TJP1: variants seen among roughly 807,000 people sequenced by gnomAD.
The protein encoded by TJP1 is tight junction protein 1, also known as tight junction protein ZO-1.
In TJP1, 43 loss-of-function variants were observed where a neutral mutation model predicts 194.2. That is an observed-to-expected ratio of 0.22 (90% CI 0.17 to 0.29). The LOEUF is 0.29. Among genes scored for constraint, TJP1 ranks in the 10% least tolerant of loss-of-function variants. The probability of loss-of-function intolerance (pLI) is 1.00; values close to 1 mark genes in which losing one functional copy is unlikely to be tolerated. For synonymous variants in TJP1, 801 were observed against 779.0 expected, an observed-to-expected ratio of 1.03 and a Z score of -0.47; for missense variants, 1,971 against 2,185.7, an observed-to-expected ratio of 0.90 and a Z score of 1.96.
intron 19 of TJP1, 149 bp downstream of exon 19, chr15:29,720,209 G>GA (rs2042844110): frequency 9.1e-7 from 1 of 1,103,258 alleles, no homozygotes. Flanking sequence ...ACAAAATTTA[G>GA]AATTAAGCCC....
intron 2 of TJP1, among the ~76,000 whole-genome samples, chr15:29,841,923 G>T (rs2152067845): frequency 6.6e-6 from 1 of 152,252 alleles, no homozygotes; most frequent in East Asian, 1.9e-4. Context: ...GCTTTTTAAA[G>T]CCAGAACCCC....
At chr15:29,713,493 GT>G (rs2042367230) in intron 23 of TJP1, among the ~76,000 whole-genome samples, 1 of 152,180 alleles carries the variant, frequency 6.6e-6, no homozygotes, top group Non-Finnish European at 1.5e-5. Context: ...TCTGAGGTGT[GT>G]TTTTAAGTGA....
At chr15:29,968,626 C>T in intron 1 of TJP1, 1 of 998,658 alleles carries the variant, frequency 1.0e-6, no homozygotes, top group Non-Finnish European at 1.2e-6. Flanking sequence ...CCGCTCCGCG[C>T]CTAGCCCGGC....
intron 4 of TJP1, among the ~76,000 whole-genome samples, chr15:29,767,439 T>A (rs1302939857): frequency 6.6e-6 from 1 of 152,190 alleles, no homozygotes; most frequent in African/African-American, 2.4e-5. Context: ...ATCAGTTCCA[T>A]CCTGGTTTCA....
rs748185504 is a variant in TJP1 at position 29,711,015 on chromosome 15, AGAAAATGCCAACACCT to A, written c.4203-31_4203-16del. On this transcript the variant is annotated splice_polypyrimidine_tract_variant and intron_variant, in intron 23 of 27. Transcript: ENST00000614355. ...GAGGCTTTCCCCTGTTAACAAATGA[AGAAAATGCCAACACCT>A]GAAAATGGACTCACATTTACAAAAC... The A allele has an allele frequency of 3.1e-5, 49 of 1,560,852 alleles. No homozygotes were observed. Among genetic ancestry groups the A allele is most frequent in the Non-Finnish European group, 4.2e-5 (48 of 1,150,652 alleles).
chr15:29,738,922 T>C (rs1457466617), intron 10 of TJP1, among the ~76,000 whole-genome samples: 2 of 143,910 alleles, frequency 1.4e-5, no homozygotes, highest in Admixed American at 7.0e-5. Context: ...TCGTTGCCTA[T>C]AGTCCTAGCT....
chr15:29,770,685 A>T (rs2046609459), intron 4 of TJP1, among the ~76,000 whole-genome samples: 1 of 151,892 alleles, frequency 6.6e-6, no homozygotes, highest in African/African-American at 2.4e-5. Flanking sequence ...GTCTCAAAAA[A>T]AAAAAAGAAA....
chr15:29,861,262 C>A (rs543615240), intron 2 of TJP1, among the ~76,000 whole-genome samples: 10 of 152,342 alleles, frequency 6.6e-5, no homozygotes, highest in African/African-American at 2.4e-4. Context: ...TACATTCCCA[C>A]CAGCACGCAT....
chr15:29,766,603 C>T, intron 4 of TJP1, 61 bp from the exon 5 acceptor site: 1 of 1,472,004 alleles, frequency 6.8e-7, no homozygotes, highest in Non-Finnish European at 9.1e-7. Flanking sequence ...CGTTCAGTTC[C>T]AAAGAGAAAG....
intron 2 of TJP1, among the ~76,000 whole-genome samples, chr15:29,842,607 G>T (rs1322307634): frequency 2.0e-5 from 3 of 152,170 alleles, no homozygotes; most frequent in Non-Finnish European, 4.4e-5. Flanking sequence ...CACACAGACA[G>T]TGGCCCCGCG....
chr15:29,848,083 A>G (rs550555780), intron 2 of TJP1, among the ~76,000 whole-genome samples: 10 of 151,864 alleles, frequency 6.6e-5, no homozygotes, highest in African/African-American at 1.9e-4. Flanking sequence ...ACATGATTAC[A>G]GTTATTTTAA....
chr15:29,777,452 A>G (rs1266552267), intron 2 of TJP1, among the ~76,000 whole-genome samples: 1 of 152,222 alleles, frequency 6.6e-6, no homozygotes, highest in Non-Finnish European at 1.5e-5. Flanking sequence ...GAAAATGTCG[A>G]TATTAAGAAC....
In TJP1 at chr15:29,732,624, A is replaced by C. The variant is rs1243862894; in HGVS notation, c.1921+7T>G. On this transcript the variant is annotated splice_region_variant and intron_variant, in intron 14 of 27. Coordinates refer to ENST00000614355, the MANE Select transcript of TJP1 (RefSeq NM_001330239.4). ...GGTATTAGGTTAGTCTGTAGAAAAT[A>C]AACTACCTTCTCGAAGAACCACTCT... is the stretch of plus-strand genomic sequence containing the variant. 4 of 1,613,756 alleles carry C rather than the reference A, an allele frequency of 2.5e-6. No individual in the cohort carries two copies. The highest frequency in any genetic ancestry group is 2.5e-6 in the Non-Finnish European group (3 of 1,179,874).
chr15:29,950,557 G>A (rs1457315931), intron 2 of TJP1, among the ~76,000 whole-genome samples: 2 of 152,238 alleles, frequency 1.3e-5, no homozygotes, highest in East Asian at 3.9e-4. Flanking sequence ...AGCCCACGAT[G>A]CTCCCTGCAG....
intron 1 of TJP1, among the ~76,000 whole-genome samples, chr15:29,958,684 C>T (rs2056040927): frequency 6.6e-6 from 1 of 152,226 alleles, no homozygotes; most frequent in Non-Finnish European, 1.5e-5. Context: ...CACATAAACT[C>T]ATATTTTCCT....
chr15:29,906,693 C>T (rs2053826884), intron 2 of TJP1, among the ~76,000 whole-genome samples: 1 of 151,668 alleles, frequency 6.6e-6, no homozygotes, highest in Non-Finnish European at 1.5e-5. Context: ...GATTTTCGTG[C>T]CTCAGCCTCC....
At chr15:29,886,921 A>T (rs552712396) in intron 2 of TJP1, among the ~76,000 whole-genome samples, 4 of 152,284 alleles carry the variant, frequency 2.6e-5, no homozygotes, top group African/African-American at 9.6e-5. Context: ...CTGAAAAAAC[A>T]AACAGGAAAG....
chr15:29,866,385 T>A (rs567616662), intron 2 of TJP1, among the ~76,000 whole-genome samples: 46 of 152,368 alleles, frequency 3.0e-4, no homozygotes, highest in Non-Finnish European at 5.7e-4. Context: ...AAACAGTGTG[T>A]TTTGTTTATG....
intron 23 of TJP1, 136 bp from the exon 24 acceptor site, chr15:29,711,136 GCTACT>G: frequency 4.3e-6 from 4 of 927,258 alleles, no homozygotes; most frequent in Non-Finnish European, 6.1e-6. Flanking sequence ...AGTATGGGTA[GCTACT>G]CTACCAAAAT....
Sources: gnomAD v4.1 joint callset for allele counts (sites outside exome capture counted in the v4.1 genomes callset) on GRCh38, gnomAD v4.1.1 for gene constraint, MANE v1.5 for transcripts, NCBI Gene and HGNC (gene_info 2026-07-23, HGNC 2026-07-21) for gene names.